FES: variants seen among roughly 807,000 people sequenced by gnomAD.
FES encodes FES proto-oncogene, tyrosine kinase.
In FES, 83 loss-of-function variants were observed where a neutral mutation model predicts 109.6. That is an observed-to-expected ratio of 0.76 (90% CI 0.63 to 0.91). The LOEUF is 0.91. Ranked by LOEUF, FES falls within the 40% of genes least tolerant of loss-of-function variation. FES has a pLI of 0.00. For synonymous variants in FES, 458 were observed against 442.1 expected (o/e 1.04, Z -0.45); for missense variants, 943 against 1,070.9 (o/e 0.88, Z 1.67).
rs1230748312 is a variant in FES, at chr15:90,891,641, A to G, written c.1618A>G (p.Lys540Glu). The G allele has an allele frequency of 1.2e-6, 2 of 1,613,850 alleles. No individual in the cohort carries two copies. Among genetic ancestry groups the G allele is most frequent in the Admixed American group, 1.7e-5 (1 of 60,012 alleles). Residue 540 changes from lysine to glutamate, a missense_variant, in exon 12 of 19, where the codon AAG (lysine) becomes GAG (glutamate). Transcript: ENST00000328850. ...GAGCACCCAGCAGCCCCTCACCAAG[A>G]AGAGTGGTGTTGTCCTGCACAGGGC... ...LLSTQQPLTK[K>E]SGVVLHRAVP...
chr15:90,890,038 G>A (rs970474248), intron 8 of FES, 54 bp from the exon 9 acceptor site: 89 of 1,580,780 alleles, frequency 5.6e-5, no homozygotes, highest in African/African-American at 2.1e-4. Flanking sequence ...CTGGCTACCC[G>A]CCGCAGACCG....
chr15:90,892,756 T>C lies in FES; in HGVS notation c.1757T>C (p.Leu586Pro), dbSNP rs1407104974. 1.2e-6 allele frequency: 2 copies of C among 1,613,682 alleles called. No homozygotes were observed. Among genetic ancestry groups the C allele is most frequent in the Admixed American group, 1.7e-5 (1 of 60,010 alleles). The change falls in exon 14 of 19, where the codon CTG (leucine) becomes CCG (proline). Residue 586 changes from leucine to proline, a missense_variant. Leu to Pro is a moderately conservative substitution (Grantham distance 98). Transcript: ENST00000328850. ...GGACGCCTGCGAGCCGACAACACCC[T>C]GGTGGCGGTGAAGTCTTGTCGAGAG... ...FSGRLRADNT[L>P]VAVKSCRETL...
intron 10 of FES, 24 bp from the exon 11 acceptor site, chr15:90,890,958 C>G (rs756122752): frequency 1.3e-6 from 2 of 1,556,512 alleles, no homozygotes; most frequent in East Asian, 2.4e-5. Flanking sequence ...TTAAGTGACT[C>G]CTCCTCGATC....
At position 90,890,966 on chromosome 15, in the gene FES, A is replaced by G. The variant is rs2033159257; in HGVS notation, c.1321-16A>G. The G allele has an allele frequency of 1.3e-6, 2 of 1,566,278 alleles. No individual in the cohort carries two copies. The highest frequency in any genetic ancestry group is 8.6e-7 in the Non-Finnish European group (1 of 1,156,160). ...AAGGTGGTTAAGTGACTCCTCCTCGATCCTCCCTTGCCCAGCTCCCTCCAC... is the reference window on the plus strand; with the variant it reads ...AAGGTGGTTAAGTGACTCCTCCTCGGTCCTCCCTTGCCCAGCTCCCTCCAC... On this transcript the variant is annotated splice_polypyrimidine_tract_variant and intron_variant, in intron 10 of 18. Transcript: ENST00000328850.
chr15:90,892,231 C>A, intron 13 of FES, 120 bp downstream of exon 13: 2 of 1,094,676 alleles, frequency 1.8e-6, no homozygotes, highest in Admixed American at 1.8e-5. Flanking sequence ...TGTACCCCGA[C>A]TCCCTGCCCA....
At chr15:90,894,125 C>T in intron 18 of FES, 67 bp downstream of exon 18, 1 of 1,568,720 alleles carries the variant, frequency 6.4e-7, no homozygotes, top group East Asian at 2.2e-5. Context: ...CCGGACTCTT[C>T]TAACTCCCTT....
rs776807244 is a variant in FES, at chr15:90,885,266, T to C, written c.213+8T>C. ...GACAGCCCCATCAGTCAGGTGGGTC[T>C]CTATGGGACTCTGGTGGGTGCTGGC... On this transcript the variant is annotated splice_region_variant and intron_variant, in intron 2 of 18. Coordinates refer to ENST00000328850, the MANE Select transcript of FES (RefSeq NM_002005.4). 1.2e-6 allele frequency: 2 copies of C among 1,608,430 alleles called. No homozygotes were observed. The highest frequency in any genetic ancestry group is 1.4e-5 in the African/African-American group (1 of 74,018).
In FES at chr15:90,893,830, CCCTGG is replaced by C; in HGVS notation, c.2203+20_2203+24del. The C allele has an allele frequency of 1.3e-6, 2 of 1,595,844 alleles. No homozygotes were observed. The highest frequency in any genetic ancestry group is 8.5e-7 in the Non-Finnish European group (1 of 1,170,260). ...AACTACGGTACCTAGTCCCTGTCTA[CCCTGG>C]ACTCCATGGCCAGAGGCCAGGCCTG... On this transcript the variant is annotated intron_variant, in intron 17 of 18. Coordinates refer to ENST00000328850, the MANE Select transcript of FES (RefSeq NM_002005.4).
At chr15:90,895,039 C>T (rs1346920662) in intron 18 of FES, among the ~76,000 whole-genome samples, 2 of 151,852 alleles carry the variant, frequency 1.3e-5, no homozygotes, top group African/African-American at 4.8e-5. Flanking sequence ...TGCATTCCAG[C>T]GTGGGTGACA....
chr15:90,894,152 C>T, intron 18 of FES, 94 bp downstream of exon 18: 1 of 1,437,274 alleles, frequency 7.0e-7, no homozygotes, highest in Non-Finnish European at 9.5e-7. Flanking sequence ...AACCTTCCCA[C>T]CAGGCAGAAT....
chr15:90,884,760 G>C lies in FES; in HGVS notation c.-10+216G>C, dbSNP rs1230684812. 4.3e-5 allele frequency: 16 copies of C among 371,638 alleles called. No individual in the cohort carries two copies. The East Asian group carries it at 5.8e-4, about 14-fold the overall frequency. 23.0% of individuals were successfully genotyped at this position (371,638 alleles called of 1,614,324 possible). Reference sequence around the variant, plus strand: ...CGAGGACCTGGGCAAGGGTGTCCCTGTAAGGGGTGGTGGGTGGAAGGGCCT... The same window carrying C: ...CGAGGACCTGGGCAAGGGTGTCCCTCTAAGGGGTGGTGGGTGGAAGGGCCT... On this transcript the variant is annotated intron_variant, in intron 1 of 18. Transcript: ENST00000328850.
In FES at chr15:90,889,352, G is replaced by C. The variant is rs752083292; in HGVS notation, c.715G>C (p.Asp239His). ...CCTGGAGATTAGCAGCCTGGTGCAGGATGAGGTGGTGGCCATTCACCGGGA... is the reference window on the plus strand; with the variant it reads ...CCTGGAGATTAGCAGCCTGGTGCAGCATGAGGTGGTGGCCATTCACCGGGA... ...EYLEISSLVQ[D>H]EVVAIHREMA... is the part of the protein sequence containing the mutation. Residue 239 changes from aspartate (D) to histidine (H), a missense_variant, in exon 6 of 19, where the codon GAT becomes CAT. Coordinates refer to ENST00000328850, the MANE Select transcript of FES (RefSeq NM_002005.4). The surrounding 1 kb of genome is among the most constrained non-coding windows in gnomAD (Gnocchi z 6.1). 6.2e-7 allele frequency: 1 copy of C among 1,613,924 alleles called. No individual in the cohort carries two copies. Among genetic ancestry groups the C allele is most frequent in the African/African-American group, 1.3e-5 (1 of 74,936 alleles).
chr15:90,891,019 A>G lies in FES; in HGVS notation c.1358A>G (p.Lys453Arg). ...CTGCAGCTCATTCCGGAGGTGCAGA[A>G]GCCCCTGCATGAGCAGCTGTGGTAC... ...PPLQLIPEVQ[K>R]PLHEQLWYHG... The change falls in exon 11 of 19, where the codon AAG becomes AGG. Residue 453 changes from lysine (K) to arginine (R), a missense_variant. Physicochemically the swap from Lys to Arg is conservative, Grantham distance 26. Transcript: ENST00000328850. 3.8e-6 allele frequency: 6 copies of G among 1,596,884 alleles called. No homozygotes were observed. Among genetic ancestry groups the G allele is most frequent in the Non-Finnish European group, 5.1e-6 (6 of 1,171,572 alleles).
rs1435347764 is a variant in FES, at chr15:90,891,572, G to A, written c.1549G>A (p.Gly517Arg). 2 of 1,613,706 alleles carry A rather than the reference G, an allele frequency of 1.2e-6. No individual in the cohort carries two copies. The highest frequency in any genetic ancestry group is 1.7e-6 in the Non-Finnish European group (2 of 1,179,966). Residue 517 changes from glycine (G) to arginine (R), a missense_variant, in exon 12 of 19, where the codon GGG becomes AGG. Physicochemically the swap from Gly to Arg is moderately radical, Grantham distance 125. Coordinates refer to ENST00000328850, the MANE Select transcript of FES (RefSeq NM_002005.4). ...QSLDNLYRLE[G>R]EGFPSIPLLI... ...CCTGCAGAACCTGTACCGACTGGAA[G>A]GGGAAGGCTTTCCTAGCATTCCTTT... is the stretch of plus-strand genomic sequence containing the variant.
At chr15:90,893,488 C>G in intron 16 of FES, 74 bp downstream of exon 16, 1 of 1,501,034 alleles carries the variant, frequency 6.7e-7, no homozygotes, top group Non-Finnish European at 8.9e-7. Context: ...CCCTAGGGCC[C>G]CCCGCTGGAC....
At chr15:90,891,444 C>T (rs1327680587) in intron 11 of FES, 110 bp from the exon 12 acceptor site, 2 of 1,464,242 alleles carry the variant, frequency 1.4e-6, no homozygotes, top group South Asian at 1.2e-5. Context: ...GGTCTCTCTG[C>T]CCCTGGTCCT....
At chr15:90,885,696 C>T (rs2032536730) in intron 3 of FES, 111 bp downstream of exon 3, 32 of 1,465,088 alleles carry the variant, frequency 2.2e-5, no homozygotes, top group Non-Finnish European at 2.8e-5. Flanking sequence ...AGTCCCTGAC[C>T]GCAGGCCTGG....
chr15:90,889,442 G>C lies in FES; in HGVS notation c.805G>C (p.Gly269Arg), dbSNP rs1340240693. Reference sequence around the variant, plus strand: ...GTACCAAGGCTTCCTGCGACAGTATGGGTAAGCCCCGTCCTTGCTCCTGCT... The same window carrying C: ...GTACCAAGGCTTCCTGCGACAGTATCGGTAAGCCCCGTCCTTGCTCCTGCT... ...AEYQGFLRQY[G>R]SAPDVPPCVT... Residue 269 changes from glycine (G) to arginine (R), a missense_variant and splice_region_variant, in exon 6 of 19, where the codon GGG becomes CGG. Coordinates refer to ENST00000328850, the MANE Select transcript of FES (RefSeq NM_002005.4). This position sits in a 1 kb window ranked among gnomAD's most constrained non-coding sequence, Gnocchi z 6.1. 1 of 1,613,900 alleles carries C rather than the reference G, an allele frequency of 6.2e-7. No individual in the cohort carries two copies. The highest frequency in any genetic ancestry group is 1.3e-5 in the African/African-American group (1 of 74,946).
In FES at chr15:90,889,928, C is replaced by G; in HGVS notation, c.1015C>G (p.Arg339Gly). 6.2e-7 allele frequency: 1 copy of G among 1,613,500 alleles called. No homozygotes were observed. The highest frequency in any genetic ancestry group is 8.5e-7 in the Non-Finnish European group (1 of 1,179,920). ...EMVTQLQQEL[R>G]NEEENTHPRE... ...GGTTACGCAGCTGCAACAGGAGCTC[C>G]GGAATGAAGAGGAGAACACCCACCC... Residue 339 changes from arginine to glycine, a missense_variant, in exon 8 of 19, where the codon CGG becomes GGG. Coordinates refer to ENST00000328850, the MANE Select transcript of FES (RefSeq NM_002005.4). The surrounding 1 kb of genome is among the most constrained non-coding windows in gnomAD (Gnocchi z 6.1).
Sources: gnomAD v4.1 joint callset for allele counts (sites outside exome capture counted in the v4.1 genomes callset) on GRCh38, gnomAD v4.1.1 for gene constraint, Gnocchi (gnomAD v3.1) non-coding constraint, MANE v1.5 for transcripts, NCBI Gene and HGNC (gene_info 2026-07-23, HGNC 2026-07-21) for gene names.